Variants in FTCDNL1 observed in about 807,000 individuals in gnomAD.
The protein encoded by FTCDNL1 is formiminotransferase cyclodeaminase N-terminal like.
FTCDNL1 carries 11 observed loss-of-function variants against 5.9 expected under a neutral mutation model. That is an observed-to-expected ratio of 1.87 (90% CI 1.18 to 3.10). FTCDNL1 has a LOEUF of 3.10. Among genes scored for constraint, FTCDNL1 ranks in the 30% most tolerant of loss-of-function variants. FTCDNL1 has a pLI of 0.00. For synonymous variants in FTCDNL1, 58 were observed against 24.8 expected (o/e 2.34, Z -3.99); for missense variants, 115 against 65.5 (o/e 1.76, Z -2.61).
intron 3 of FTCDNL1, among the ~76,000 whole-genome samples, chr2:199,798,321 G>T (rs1014266720): frequency 2.0e-5 from 3 of 152,112 alleles, no homozygotes; most frequent in Admixed American, 2.0e-4. Context: ...TTACCAAGTG[G>T]AATAAAACAG....
chr2:199,712,119 C>G, the FTCDNL1 span, among the ~76,000 whole-genome samples: 2 of 152,014 alleles, frequency 1.3e-5, no homozygotes, highest in Non-Finnish European at 2.9e-5. Context: ...AACAAATGGC[C>G]AAGAGTAAAA....
the FTCDNL1 span, among the ~76,000 whole-genome samples, chr2:199,717,156 T>G: frequency 6.6e-6 from 1 of 152,172 alleles, no homozygotes; most frequent in Non-Finnish European, 1.5e-5. Flanking sequence ...TACAATCTCA[T>G]TCATTCATGC....
intron 4 of FTCDNL1, among the ~76,000 whole-genome samples, chr2:199,817,892 C>A (rs1011021623): frequency 6.6e-6 from 1 of 152,146 alleles, no homozygotes; most frequent in African/African-American, 2.4e-5. Flanking sequence ...GGGAAGCAAT[C>A]CTCCCTTTAG....
intron 3 of FTCDNL1, among the ~76,000 whole-genome samples, chr2:199,837,301 C>T (rs887020006): frequency 5.3e-5 from 8 of 152,298 alleles, no homozygotes; most frequent in Non-Finnish European, 1.0e-4. Flanking sequence ...TCTATGGTGG[C>T]AGTATTCCTG....
chr2:199,849,331 T>A (rs774967459), intron 1 of FTCDNL1, among the ~76,000 whole-genome samples: 1 of 152,348 alleles, frequency 6.6e-6, no homozygotes, highest in South Asian at 2.1e-4. Flanking sequence ...CAAACAGGTA[T>A]GTTTTTTTTG....
chr2:199,736,316 T>C, the FTCDNL1 span, among the ~76,000 whole-genome samples: 1 of 152,336 alleles, frequency 6.6e-6, no homozygotes, highest in East Asian at 1.9e-4. Flanking sequence ...CCCTTCAATG[T>C]TTCCATGAGC....
At chr2:199,780,587 TCCTC>T (rs1291217205) in intron 3 of FTCDNL1, among the ~76,000 whole-genome samples, 1 of 152,178 alleles carries the variant, frequency 6.6e-6, no homozygotes, top group Non-Finnish European at 1.5e-5. Flanking sequence ...GCCCATCTCT[TCCTC>T]TATTACCTAA....
chr2:199,793,403 T>C (rs1300039283), intron 3 of FTCDNL1, among the ~76,000 whole-genome samples: 1 of 151,888 alleles, frequency 6.6e-6, no homozygotes, highest in African/African-American at 2.4e-5. Context: ...GAAAGAAACA[T>C]AAAATATATA....
the FTCDNL1 span, among the ~76,000 whole-genome samples, chr2:199,692,698 C>T: frequency 6.6e-6 from 1 of 152,194 alleles, no homozygotes; most frequent in Admixed American, 6.5e-5. Flanking sequence ...CACCCAAAAA[C>T]TCCAGTCCTT....
At chr2:199,818,463 A>T (rs946710149) in intron 4 of FTCDNL1, 2 of 152,186 alleles carry the variant, frequency 1.3e-5, no homozygotes, top group Non-Finnish European at 2.9e-5. Context: ...TTTCGACTTC[A>T]CAATAATGAG....
chr2:199,706,723 G>A, the FTCDNL1 span, among the ~76,000 whole-genome samples: 2 of 152,288 alleles, frequency 1.3e-5, no homozygotes, highest in South Asian at 4.1e-4. Context: ...TGAATGGACA[G>A]CTGCACGACT....
the FTCDNL1 span, among the ~76,000 whole-genome samples, chr2:199,703,803 T>A: frequency 2.6e-5 from 4 of 152,338 alleles, no homozygotes; most frequent in Admixed American, 2.6e-4. Flanking sequence ...CTTATTATTG[T>A]ATGTATTTAA....
chr2:199,729,503 G>T, the FTCDNL1 span, among the ~76,000 whole-genome samples: 2 of 152,062 alleles, frequency 1.3e-5, no homozygotes, highest in African/African-American at 4.8e-5. Flanking sequence ...CTTCAGCAAA[G>T]TCTCAGGATT....
At chr2:199,676,579 A>G in the FTCDNL1 span, among the ~76,000 whole-genome samples, 1 of 151,958 alleles carries the variant, frequency 6.6e-6, no homozygotes, top group South Asian at 2.1e-4. Flanking sequence ...AATATATTAT[A>G]TATATAACAA....
At chr2:199,825,858 A>C (rs1701998282) in intron 3 of FTCDNL1, among the ~76,000 whole-genome samples, 1 of 152,210 alleles carries the variant, frequency 6.6e-6, no homozygotes, top group Non-Finnish European at 1.5e-5. Flanking sequence ...ACAGGCAGTG[A>C]GCTAAATTCT....
At chr2:199,688,023 G>T in the FTCDNL1 span, among the ~76,000 whole-genome samples, 4 of 152,054 alleles carry the variant, frequency 2.6e-5, no homozygotes, top group Admixed American at 2.6e-4. Flanking sequence ...AAAGTGGGTG[G>T]ATCACTTGAG....
downstream of FTCDNL1, among the ~76,000 whole-genome samples, chr2:199,757,487 G>A (rs1016497116): frequency 3.9e-5 from 6 of 152,152 alleles, no homozygotes; most frequent in East Asian, 1.2e-3. Context: ...GGCAGAGGAA[G>A]AAGGATCAAC....
At chr2:199,777,907 G>A (rs1335848566) in intron 3 of FTCDNL1, among the ~76,000 whole-genome samples, 1 of 152,124 alleles carries the variant, frequency 6.6e-6, no homozygotes, top group Non-Finnish European at 1.5e-5. Context: ...AGGAAGGGGT[G>A]CAGCTTAAAA....
the FTCDNL1 span, among the ~76,000 whole-genome samples, chr2:199,703,011 G>GGTTGGTTT: frequency 2.0e-5 from 3 of 150,498 alleles, no homozygotes; most frequent in Non-Finnish European, 3.0e-5. Flanking sequence ...AAGGACTCTG[G>GGTTGGTTT]GTTTGTTTGT....
Sources: allele counts gnomAD v4.1 joint callset (sites outside exome capture counted in the v4.1 genomes callset), GRCh38; gene constraint gnomAD v4.1.1; transcripts MANE v1.5; gene names NCBI Gene and HGNC (gene_info 2026-07-23, HGNC 2026-07-21).